Variants in SLC6A3 observed in about 807,000 individuals in gnomAD.
SLC6A3 encodes solute carrier family 6 member 3, also known as sodium-dependent dopamine transporter.
Under a neutral mutation model 70.4 loss-of-function variants are expected in SLC6A3, and 19 were observed. The observed-to-expected ratio is 0.27, with a 90% confidence interval of 0.19 to 0.40. The LOEUF (loss-of-function observed/expected upper bound fraction) is 0.40. Ranked by LOEUF, SLC6A3 falls within the 10% of genes least tolerant of loss-of-function variation. The pLI is 1.00. For synonymous variants in SLC6A3, 368 were observed against 356.6 expected, an observed-to-expected ratio of 1.03 and a Z score of -0.36; for missense variants, 613 against 838.5, an observed-to-expected ratio of 0.73 and a Z score of 3.32.
intron 1 of SLC6A3, among the ~76,000 whole-genome samples, chr5:1,444,159 G>C (rs1239244936): frequency 1.3e-5 from 2 of 152,188 alleles, no homozygotes; most frequent in African/African-American, 4.8e-5. Context: ...TGAGAGAGCT[G>C]GGCGGAGGAT....
chr5:1,422,892 CCA>C (rs1197202345), intron 4 of SLC6A3, among the ~76,000 whole-genome samples: 1 of 82,394 alleles, frequency 1.2e-5, no homozygotes, highest in Non-Finnish European at 2.2e-5. Flanking sequence ...CCACCGCTGC[CCA>C]CAGTGCTGCC....
intron 6 of SLC6A3, among the ~76,000 whole-genome samples, chr5:1,419,707 G>A (rs947128847): frequency 6.6e-6 from 1 of 152,054 alleles, no homozygotes; most frequent in Non-Finnish European, 1.5e-5. Context: ...CTCTTCCTTG[G>A]CTCCCGTGGG....
chr5:1,404,435 C>T lies in SLC6A3; in HGVS notation c.1600-1346G>A, dbSNP rs1755923511. On this transcript the variant is annotated intron_variant, in intron 12 of 14. Transcript: ENST00000270349. The surrounding 1 kb of genome is among the most constrained non-coding windows in gnomAD (Gnocchi z 5.2). ...TGGAGGTATTGCTGTAATGTGCTCT[C>T]TGTTATTGTTCAACTTCTTGCTAGA... 6.6e-6 allele frequency among the ~76,000 whole-genome samples: 1 copy of T among 152,234 alleles called. No individual in the cohort carries two copies. The highest frequency in any genetic ancestry group is 2.4e-5 in the African/African-American group (1 of 41,464).
At chr5:1,395,244 C>T (rs900043908) in intron 14 of SLC6A3, among the ~76,000 whole-genome samples, 20 of 152,196 alleles carry the variant, frequency 1.3e-4, no homozygotes, top group Non-Finnish European at 1.6e-4. Flanking sequence ...CCCGCGCGGG[C>T]GCAAGTGCAG....
rs1170109947 is a variant in SLC6A3, at chr5:1,437,254, A to C, written c.418+4105T>G. On this transcript the variant is annotated intron_variant, in intron 3 of 14. Coordinates refer to ENST00000270349, the MANE Select transcript of SLC6A3 (RefSeq NM_001044.5). This position sits in a 1 kb window ranked among gnomAD's most constrained non-coding sequence, Gnocchi z 4.8. ...GACAGAGCGAGATTCCGTCTCACAA[A>C]AAAAAAAAAAAAGAAAAGAAAAGAA... Among the ~76,000 whole-genome samples, 3 of 148,270 alleles carry C rather than the reference A, an allele frequency of 2.0e-5. No homozygotes were observed. The highest frequency in any genetic ancestry group is 7.4e-5 in the African/African-American group (3 of 40,726).
At chr5:1,422,104 C>G in intron 4 of SLC6A3, 90 bp from the exon 5 acceptor site, 3 of 1,379,348 alleles carry the variant, frequency 2.2e-6, no homozygotes, top group Admixed American at 3.4e-5. Flanking sequence ...CCTGCCCTCC[C>G]CATCTCAGCA....
rs946769817 is a variant in SLC6A3, at chr5:1,408,292, T to G, written c.1498+734A>C. On this transcript the variant is annotated intron_variant, in intron 11 of 14. Transcript: ENST00000270349. The surrounding 1 kb of genome is among the most constrained non-coding windows in gnomAD (Gnocchi z 6.4). ...CTCTTGATCTCGTGATCTGCCCACCTCGGCCTCCCAAAGTGCTGGGATTAC... is the reference window on the plus strand; with the variant it reads ...CTCTTGATCTCGTGATCTGCCCACCGCGGCCTCCCAAAGTGCTGGGATTAC... 6.7e-6 allele frequency among the ~76,000 whole-genome samples: 1 copy of G among 150,002 alleles called. No homozygotes were observed. Among genetic ancestry groups the G allele is most frequent in the African/African-American group, 2.5e-5 (1 of 40,642 alleles).
chr5:1,422,262 A>T (rs1268784938), intron 4 of SLC6A3, among the ~76,000 whole-genome samples: 1 of 152,168 alleles, frequency 6.6e-6, no homozygotes, highest in Non-Finnish European at 1.5e-5. Context: ...TGCCCTTGGC[A>T]CCCCTGCTCA....
At chr5:1,420,542 G>T in intron 6 of SLC6A3, 27 bp downstream of exon 6, 1 of 1,612,766 alleles carries the variant, frequency 6.2e-7, no homozygotes, top group African/African-American at 1.3e-5. Flanking sequence ...CCTGTGGACT[G>T]TGAAGCAGTG....
rs761982857 is a variant in SLC6A3, at chr5:1,405,286, C to T, written c.1599+902G>A. Reference sequence around the variant, plus strand: ...TGTCTCTCATCTCTTTCCTGTACCCCGGAACCCCTCTGCTGGCAACTACGG... The same window carrying T: ...TGTCTCTCATCTCTTTCCTGTACCCTGGAACCCCTCTGCTGGCAACTACGG... On this transcript the variant is annotated intron_variant, in intron 12 of 14. Coordinates refer to ENST00000270349, the MANE Select transcript of SLC6A3 (RefSeq NM_001044.5). This position sits in a 1 kb window ranked among gnomAD's most constrained non-coding sequence, Gnocchi z 5.3. Among the ~76,000 whole-genome samples, 12 of 152,192 alleles carry T rather than the reference C, an allele frequency of 7.9e-5. No homozygotes were observed. The highest frequency in any genetic ancestry group is 1.9e-4 in the African/African-American group (8 of 41,454).
rs147837176 is a variant in SLC6A3, at chr5:1,400,949, T to C, written c.1805A>G (p.Glu602Gly). ...GCGCACCTCCCCTCTGTCCACCAGCTCACGGTCCTTCTCGGGTGCAATGGC... is the reference window on the plus strand; with the variant it reads ...GCGCACCTCCCCTCTGTCCACCAGCCCACGGTCCTTCTCGGGTGCAATGGC... ...AYAIAPEKDRELVDRGEVRQF... is the reference protein window; with the variant it reads ...AYAIAPEKDRGLVDRGEVRQF... Residue 602 changes from glutamate to glycine, a missense_variant, in exon 14 of 15, where the codon GAG (glutamate) becomes GGG (glycine). Around this residue, in one of 4 missense-constraint regions of SLC6A3, gnomAD observed 348 missense variants for 481.2 expected, o/e 0.72. Transcript: ENST00000270349. 4.8e-4 allele frequency: 770 copies of C among 1,596,664 alleles called. No individual in the cohort carries two copies. Among genetic ancestry groups the C allele is most frequent in the Non-Finnish European group, 5.7e-4 (664 of 1,169,788 alleles).
At chr5:1,428,659 AG>A (rs1393093555) in intron 4 of SLC6A3, among the ~76,000 whole-genome samples, 2 of 152,148 alleles carry the variant, frequency 1.3e-5, no homozygotes, top group Admixed American at 6.5e-5. Context: ...CCTGGGGGCC[AG>A]GGGTGCCAGC....
chr5:1,400,022 G>A (rs545492345), intron 14 of SLC6A3, among the ~76,000 whole-genome samples: 5 of 152,350 alleles, frequency 3.3e-5, no homozygotes, highest in African/African-American at 1.2e-4. Flanking sequence ...GCCACAGAGA[G>A]GTGGCCAGAG....
At chr5:1,441,611 C>A in intron 2 of SLC6A3, 121 bp from the exon 3 acceptor site, 1 of 1,165,566 alleles carries the variant, frequency 8.6e-7, no homozygotes, top group East Asian at 2.5e-5. Flanking sequence ...TCACCCCACT[C>A]TCCAACGGGA....
chr5:1,414,172 C>T (rs1480261718), intron 8 of SLC6A3, among the ~76,000 whole-genome samples: 2 of 152,032 alleles, frequency 1.3e-5, no homozygotes, highest in East Asian at 1.9e-4. Context: ...GCTCATTCCT[C>T]CCCTTCCCTG....
At position 1,401,695 on chromosome 5, in the gene SLC6A3, C is replaced by T. The variant is rs772773686; in HGVS notation, c.1768-709G>A. On this transcript the variant is annotated intron_variant, in intron 13 of 14. Transcript: ENST00000270349. This position sits in a 1 kb window ranked among gnomAD's most constrained non-coding sequence, Gnocchi z 6.1. ...GGCTTACGTTCAGAGTTTGGCCATG[C>T]GAGGGGTAAGGGCGCTGGCTGTTCA... 6.6e-6 allele frequency among the ~76,000 whole-genome samples: 1 copy of T among 151,900 alleles called. No homozygotes were observed. Among genetic ancestry groups the T allele is most frequent in the African/African-American group, 2.4e-5 (1 of 41,156 alleles).
chr5:1,398,125 C>T (rs1020800629), intron 14 of SLC6A3, among the ~76,000 whole-genome samples: 2 of 152,124 alleles, frequency 1.3e-5, no homozygotes, highest in African/African-American at 4.8e-5. Flanking sequence ...CTCTGGGAGG[C>T]AGAGGTGGGC....
Position 1,438,951 on chromosome 5 carries a change from C to T in SLC6A3, c.418+2408G>A, listed in dbSNP as rs1004093421. Among the ~76,000 whole-genome samples, 20 of 152,202 alleles carry T rather than the reference C, an allele frequency of 1.3e-4. No homozygotes were observed. The highest frequency in any genetic ancestry group is 1.0e-3 in the Admixed American group (16 of 15,286). Reference sequence around the variant, plus strand: ...CTCAGATACTCTCCAACACGGACCACGGTGCAAGCTCAGCATCGCTTACGA... The same window carrying T: ...CTCAGATACTCTCCAACACGGACCATGGTGCAAGCTCAGCATCGCTTACGA... On this transcript the variant is annotated intron_variant, in intron 3 of 14. Coordinates refer to ENST00000270349, the MANE Select transcript of SLC6A3 (RefSeq NM_001044.5). The surrounding 1 kb of genome is among the most constrained non-coding windows in gnomAD (Gnocchi z 6.5).
At chr5:1,422,086 T>C in intron 4 of SLC6A3, 72 bp from the exon 5 acceptor site, 3 of 1,509,858 alleles carry the variant, frequency 2.0e-6, no homozygotes, top group Non-Finnish European at 1.8e-6. Context: ...GCTGAGCTTG[T>C]CCGGGGACCT....
Sources: gnomAD v4.1 joint callset for allele counts (sites outside exome capture counted in the v4.1 genomes callset) on GRCh38, gnomAD v4.1.1 for gene constraint, gnomAD v4.1.1 regional missense constraint, Gnocchi (gnomAD v3.1) non-coding constraint, MANE v1.5 for transcripts, NCBI Gene and HGNC (gene_info 2026-07-23, HGNC 2026-07-21) for gene names.